HMCN2: variants seen among roughly 807,000 people sequenced by gnomAD.
The protein encoded by HMCN2 is hemicentin 2.
HMCN2 carries 325 observed loss-of-function variants against 377.5 expected under a neutral mutation model. That is an observed-to-expected ratio of 0.86 (90% CI 0.79 to 0.94). The LOEUF is 0.94. HMCN2 is among the 40% of genes least tolerant of loss of function. The pLI is 0.00. For synonymous variants in HMCN2, 2,007 were observed against 2,046.8 expected (o/e 0.98, Z 0.53); for missense variants, 4,543 against 4,725.3 (o/e 0.96, Z 1.13).
intron 4 of HMCN2, among the ~76,000 whole-genome samples, chr9:130,291,678 C>T (rs143096163): frequency 6.6e-6 from 1 of 152,302 alleles, no homozygotes; most frequent in African/African-American, 2.4e-5. Flanking sequence ...TGAATCATGA[C>T]ACCTTATCTA....
At position 130,364,836 on chromosome 9, in the gene HMCN2, C is replaced by A. The variant is rs1030451163; in HGVS notation, c.6355C>A (p.Pro2119Thr). ...PVLSWWKDGRPLEPRPGVHLS... is the reference protein window; with the variant it reads ...PVLSWWKDGRTLEPRPGVHLS... ...GCTGAGCTGGTGGAAGGACGGGCGG[C>A]CCCTGGAACCACGGCCTGGAGTCCA... The change falls in exon 41 of 98, where the codon CCC becomes ACC. Residue 2119 changes from proline (P) to threonine (T), a missense_variant. Physicochemically the swap from Pro to Thr is conservative, Grantham distance 38. Around this residue, in one of 5 missense-constraint regions of HMCN2, gnomAD observed 1,032 missense variants for 1,285.1 expected, o/e 0.80. Transcript: ENST00000683500. The A allele has an allele frequency of 1.8e-5, 18 of 985,912 alleles. No individual in the cohort carries two copies. Among genetic ancestry groups the A allele is most frequent in the Non-Finnish European group, 2.2e-5 (18 of 830,058 alleles). The allele number at this position is 985,912 out of a possible 1,614,324, so 61.1% of individuals were successfully genotyped here. A position where few individuals can be genotyped will look rare whatever the true frequency, so the allele number is the denominator to read the frequency against.
Position 130,349,583 on chromosome 9 carries a change from A to T in HMCN2, c.4350A>T (p.Gly1450=), listed in dbSNP as rs1038636158. ...CCGGGGCCGCTCAGGAGGTGCTAGGATTGGCCGGTGCAGACGTGGAGCTGC... is the reference window on the plus strand; with the variant it reads ...CCGGGGCCGCTCAGGAGGTGCTAGGTTTGGCCGGTGCAGACGTGGAGCTGC... ...LGAGAAQEVL[G]LAGADVELQC... The change falls in exon 29 of 98, where the codon GGA becomes GGT. Residue 1450 remains glycine, a synonymous_variant. Coordinates refer to ENST00000683500, the MANE Select transcript of HMCN2 (RefSeq NM_001291815.2). 5 of 1,303,728 alleles carry T rather than the reference A, an allele frequency of 3.8e-6. No homozygotes were observed. In the African/African-American group the frequency reaches 7.6e-5, roughly 20 times the overall value. 80.8% of individuals were successfully genotyped at this position (1,303,728 alleles called of 1,614,324 possible).
chr9:130,420,652 C>T (rs961408812), intron 86 of HMCN2, among the ~76,000 whole-genome samples: 7 of 151,956 alleles, frequency 4.6e-5, no homozygotes, highest in Admixed American at 6.6e-5. Context: ...TGGTGGTCCT[C>T]GGCATTCTGT....
chr9:130,325,916 A>C lies in HMCN2; in HGVS notation c.3139A>C (p.Thr1047Pro), dbSNP rs1838111385. ...CCAGGACGCAGGGGCCTACGTCTGC[A>C]CGGCCACCAACACCGTGGGCTTTTC... ...SAQDAGAYVC[T>P]ATNTVGFSSQ... is the part of the protein sequence containing the mutation. The change falls in exon 21 of 98, where the codon ACG (threonine) becomes CCG (proline). Residue 1047 changes from threonine to proline, a missense_variant. Physicochemically the swap from Thr to Pro is conservative, Grantham distance 38 (BLOSUM62 -1). Transcript: ENST00000683500. 1.3e-5 allele frequency: 2 copies of C among 152,320 alleles called. No individual in the cohort carries two copies. 9.4% of individuals were successfully genotyped at this position (152,320 alleles called of 1,614,324 possible). A position where few individuals can be genotyped will look rare whatever the true frequency, so the allele number is the denominator to read the frequency against.
intron 86 of HMCN2, among the ~76,000 whole-genome samples, chr9:130,421,182 G>A (rs1238231449): frequency 6.6e-6 from 1 of 152,058 alleles, no homozygotes; most frequent in Non-Finnish European, 1.5e-5. Flanking sequence ...GATACACATC[G>A]GTCCACAGCT....
At chr9:130,329,490 T>TCATC (rs1838308670) in intron 22 of HMCN2, among the ~76,000 whole-genome samples, 3 of 147,922 alleles carry the variant, frequency 2.0e-5, no homozygotes, top group Admixed American at 7.0e-5. Context: ...GTTGCCAGGC[T>TCATC]GGAGTGCAGT....
chr9:130,398,727 G>A lies in HMCN2; in HGVS notation c.11483+20G>A, dbSNP rs542727983. The A allele has an allele frequency of 2.2e-5, 28 of 1,286,508 alleles. 1 individual carries two copies. Among genetic ancestry groups the A allele is most frequent in the African/African-American group, 1.2e-4 (8 of 65,810 alleles). The allele number at this position is 1,286,508 out of a possible 1,614,324, so 79.7% of individuals were successfully genotyped here. On this transcript the variant is annotated intron_variant, in intron 75 of 97. Coordinates refer to ENST00000683500, the MANE Select transcript of HMCN2 (RefSeq NM_001291815.2). ...CTACCGGTAACGAGCTGGACTTTGCGGTGGCTTCCTGAGACGCACAGGGCG... is the reference window on the plus strand; with the variant it reads ...CTACCGGTAACGAGCTGGACTTTGCAGTGGCTTCCTGAGACGCACAGGGCG...
At chr9:130,326,922 G>C (rs1423798997) in intron 21 of HMCN2, among the ~76,000 whole-genome samples, 2 of 152,138 alleles carry the variant, frequency 1.3e-5, no homozygotes, top group East Asian at 3.9e-4. Flanking sequence ...CTGATATCAT[G>C]GGAATAAGTG....
intron 75 of HMCN2, among the ~76,000 whole-genome samples, chr9:130,399,068 C>T (rs1479303362): frequency 6.6e-6 from 1 of 151,790 alleles, no homozygotes; most frequent in Non-Finnish European, 1.5e-5. Context: ...GACTGGGCAA[C>T]ATAGTGAGAC....
At chr9:130,392,812 C>T (rs376892088) in intron 66 of HMCN2, among the ~76,000 whole-genome samples, 178 of 152,100 alleles carry the variant, frequency 1.2e-3, no homozygotes, top group East Asian at 4.3e-3. Flanking sequence ...CTGGCTAACA[C>T]GGTGAAACCC....
Position 130,309,919 on chromosome 9 carries a change from T to C in HMCN2, c.2208T>C (p.Leu736=), listed in dbSNP as rs782700543. 3 of 505,224 alleles carry C rather than the reference T, an allele frequency of 5.9e-6. No homozygotes were observed. The highest frequency in any genetic ancestry group is 4.3e-5 in the Admixed American group (2 of 46,752). 31.3% of individuals were successfully genotyped at this position (505,224 alleles called of 1,614,324 possible). A position where few individuals can be genotyped will look rare whatever the true frequency, so the allele number is the denominator to read the frequency against. Residue 736 remains leucine (L), a synonymous_variant, in exon 15 of 98, where the codon CTT becomes CTC. Transcript: ENST00000683500. Reference sequence around the variant, plus strand: ...TCTTCCTCTTTGGTCCAGGGGGTCTTGAAATGATCCTGGCCCCTGAGGGCT... The same window carrying C: ...TCTTCCTCTTTGGTCCAGGGGGTCTCGAAATGATCCTGGCCCCTGAGGGCT... The part of the protein sequence containing the change: ...PPRVIWYRGG[L]EMILAPEGSS...
intron 31 of HMCN2, 91 bp from the exon 32 acceptor site, chr9:130,354,672 G>A (rs186019264): frequency 1.1e-5 from 12 of 1,092,876 alleles, no homozygotes; most frequent in South Asian, 6.2e-5. Flanking sequence ...GAGTGGGGTC[G>A]GTGAGGGGCT....
chr9:130,392,829 T>C (rs1461795247), intron 66 of HMCN2, among the ~76,000 whole-genome samples: 1 of 151,950 alleles, frequency 6.6e-6, no homozygotes, highest in Non-Finnish European at 1.5e-5. Flanking sequence ...ACCCCGTCTC[T>C]ACTAAAAATA....
At position 130,302,848 on chromosome 9, in the gene HMCN2, C is replaced by T. The variant is rs782559087; in HGVS notation, c.1277-9C>T. 1.7e-5 allele frequency: 8 copies of T among 458,790 alleles called. No homozygotes were observed. The highest frequency in any genetic ancestry group is 2.3e-5 in the Non-Finnish European group (5 of 220,310). 28.4% of individuals were successfully genotyped at this position (458,790 alleles called of 1,614,324 possible). On this transcript the variant is annotated splice_polypyrimidine_tract_variant and intron_variant, in intron 8 of 97. Transcript: ENST00000683500. ...GGGAGACATTCTGAGTCCTGGTCCCCGCCTACAGGCGCTCCCCTCGTCAGC... is the reference window on the plus strand; with the variant it reads ...GGGAGACATTCTGAGTCCTGGTCCCTGCCTACAGGCGCTCCCCTCGTCAGC...
chr9:130,395,212 C>A lies in HMCN2; in HGVS notation c.10776C>A (p.Ala3592=). The part of the protein sequence containing the change: ...IEKSFRVRVQ[A]PPNIVGPRGP... ...CCTCTTGTGCCACCCCCTTCCCAGCCCCTCCAAACATTGTTGGGCCCCGAG... is the reference window on the plus strand; with the variant it reads ...CCTCTTGTGCCACCCCCTTCCCAGCACCTCCAAACATTGTTGGGCCCCGAG... Residue 3592 remains alanine (A), a splice_region_variant and synonymous_variant, in exon 71 of 98, where the codon GCC becomes GCA. Coordinates refer to ENST00000683500, the MANE Select transcript of HMCN2 (RefSeq NM_001291815.2). The A allele has an allele frequency of 7.8e-7, 1 of 1,287,974 alleles. No homozygotes were observed. Among genetic ancestry groups the A allele is most frequent in the Non-Finnish European group, 1.0e-6 (1 of 987,968 alleles). 79.8% of individuals were successfully genotyped at this position (1,287,974 alleles called of 1,614,324 possible).
At chr9:130,364,543 G>A (rs1250967327) in intron 40 of HMCN2, among the ~76,000 whole-genome samples, 171 bp from the exon 41 acceptor site, 1 of 152,202 alleles carries the variant, frequency 6.6e-6, no homozygotes, top group Non-Finnish European at 1.5e-5. Flanking sequence ...CTGGGATGTG[G>A]ATATCGTGAC....
At position 130,302,215 on chromosome 9, in the gene HMCN2, G is replaced by A. The variant is rs573366530; in HGVS notation, c.1277-642G>A. ...GGAACGCGACACCACGCCCAGCTAA[G>A]TTTTGTATTTTTAGTAGAGACAGGG... On this transcript the variant is annotated intron_variant, in intron 8 of 97. Transcript: ENST00000683500. 5.3e-5 allele frequency among the ~76,000 whole-genome samples: 8 copies of A among 152,124 alleles called. No homozygotes were observed. The South Asian group carries it at 1.2e-3, about 24-fold the overall frequency.
chr9:130,374,786 TCTA>T (rs1841284239), intron 49 of HMCN2, 93 bp downstream of exon 49: 2 of 557,854 alleles, frequency 3.6e-6, no homozygotes, highest in South Asian at 1.6e-4. Context: ...CACAAACCAT[TCTA>T]CTATTTTTCT....
At chr9:130,353,692 A>G (rs1473489023) in intron 31 of HMCN2, among the ~76,000 whole-genome samples, 1 of 152,180 alleles carries the variant, frequency 6.6e-6, no homozygotes. Context: ...TCACACCCCT[A>G]GGAGGTGGTG....
Sources: allele counts gnomAD v4.1 joint callset (sites outside exome capture counted in the v4.1 genomes callset), GRCh38; gene constraint gnomAD v4.1.1; regional missense constraint gnomAD v4.1.1; transcripts MANE v1.5; gene names NCBI Gene and HGNC (gene_info 2026-07-23, HGNC 2026-07-21).